LRRFIP1: variants seen among roughly 807,000 people sequenced by gnomAD.
LRRFIP1 encodes LRR binding FLII interacting protein 1, also known as leucine-rich repeat flightless-interacting protein 1.
In LRRFIP1, 62 loss-of-function variants were observed where a neutral mutation model predicts 104.4. That is an observed-to-expected ratio of 0.59 (90% CI 0.48 to 0.73). The LOEUF (loss-of-function observed/expected upper bound fraction) is 0.73, where lower values mean the gene tolerates loss of function less well. Ranked by LOEUF, LRRFIP1 falls within the 30% of genes least tolerant of loss-of-function variation. LRRFIP1 has a pLI of 0.00. For synonymous variants in LRRFIP1, 300 were observed against 299.0 expected (o/e 1.00, Z -0.03); for missense variants, 796 against 824.5 (o/e 0.97, Z 0.42).
At chr2:237,777,584 T>A (rs2061194356) in intron 23 of LRRFIP1, among the ~76,000 whole-genome samples, 1 of 152,234 alleles carries the variant, frequency 6.6e-6, no homozygotes, top group African/African-American at 2.4e-5. Flanking sequence ...GGTCGGTCCT[T>A]TGTAGGGACC....
chr2:237,692,656 G>A, intron 1 of LRRFIP1: 1 of 1,214,746 alleles, frequency 8.2e-7, no homozygotes, highest in Non-Finnish European at 1.1e-6. Flanking sequence ...ACCCCAGCGC[G>A]GTGGGAGCGG....
At chr2:237,724,691 A>G (rs1234450081) in intron 7 of LRRFIP1, among the ~76,000 whole-genome samples, 4 of 152,208 alleles carry the variant, frequency 2.6e-5, no homozygotes, top group Admixed American at 2.6e-4. Context: ...ATGTGTTAGC[A>G]ACATATTTCT....
At chr2:237,667,660 T>C (rs148260410) in intron 1 of LRRFIP1, among the ~76,000 whole-genome samples, 7 of 152,334 alleles carry the variant, frequency 4.6e-5, no homozygotes, top group Non-Finnish European at 8.8e-5. Context: ...TGAACTAATT[T>C]ACACTCCCAC....
At chr2:237,758,951 C>T in intron 18 of LRRFIP1, 130 bp downstream of exon 18, 2 of 588,674 alleles carry the variant, frequency 3.4e-6, no homozygotes, top group Admixed American at 3.3e-5. Context: ...GTTAATAATT[C>T]ATATATTGGG....
rs1389036977 is a variant in LRRFIP1 at position 237,648,772 on chromosome 2, T to G, written c.96+21032T>G. Among the ~76,000 whole-genome samples, 3 of 149,832 alleles carry G rather than the reference T, an allele frequency of 2.0e-5. No individual in the cohort carries two copies. In the East Asian group the frequency reaches 5.9e-4, roughly 30 times the overall value. On this transcript the variant is annotated intron_variant, in intron 1 of 23. Coordinates refer to ENST00000308482, the MANE Select transcript of LRRFIP1 (RefSeq NM_001137550.2). ...GGAGGTCAGAGCCTGCGTGACTGTG[T>G]GGCAAGGATCCCCCTCAAAGCAGGC... is the stretch of plus-strand genomic sequence containing the variant.
intron 16 of LRRFIP1, 109 bp from the exon 17 acceptor site, chr2:237,757,347 A>G (rs973964063): frequency 4.3e-5 from 29 of 676,524 alleles, no homozygotes; most frequent in African/African-American, 3.5e-4. Context: ...ATGAGGTGAA[A>G]GAGTGCTTGC....
chr2:237,772,976 T>G, intron 22 of LRRFIP1, 31 bp downstream of exon 22: 9 of 1,549,096 alleles, frequency 5.8e-6, no homozygotes, highest in Non-Finnish European at 8.0e-6. Context: ...GCAGAACTGA[T>G]GATTGACTGG....
At chr2:237,654,386 A>G (rs1328342294) in intron 1 of LRRFIP1, among the ~76,000 whole-genome samples, 1 of 152,234 alleles carries the variant, frequency 6.6e-6, no homozygotes, top group African/African-American at 2.4e-5. Context: ...AATGTGGAGA[A>G]AAGGGAACCA....
chr2:237,749,512 A>G (rs1030380058), intron 13 of LRRFIP1, among the ~76,000 whole-genome samples, 188 bp downstream of exon 13: 5 of 152,196 alleles, frequency 3.3e-5, no homozygotes, highest in Non-Finnish European at 1.5e-5. Flanking sequence ...TCCTGCAGGA[A>G]TCTGATCCTA....
rs2094729243 is a variant in LRRFIP1 at position 237,725,919 on chromosome 2, TCATAC to T, written c.385-1956_385-1952del. Reference sequence around the variant, plus strand: ...TGGAGAGCCAGAGGCCTTGCTTATGTCATACATTTCTCTTCCTCATTTGTTAGTAA... The same window carrying T: ...TGGAGAGCCAGAGGCCTTGCTTATGTATTTCTCTTCCTCATTTGTTAGTAA... On this transcript the variant is annotated intron_variant, in intron 7 of 23. Transcript: ENST00000308482. Among the ~76,000 whole-genome samples the T allele has an allele frequency of 1.1e-4, 17 of 152,360 alleles. No homozygotes were observed. In the South Asian group the frequency reaches 3.5e-3, roughly 32 times the overall value.
At chr2:237,653,149 A>G (rs1207805812) in intron 1 of LRRFIP1, among the ~76,000 whole-genome samples, 1 of 152,224 alleles carries the variant, frequency 6.6e-6, no homozygotes, top group African/African-American at 2.4e-5. Flanking sequence ...TGAATCAATT[A>G]AATCTCTTTT....
intron 18 of LRRFIP1, 32 bp from the exon 19 acceptor site, chr2:237,760,031 TA>T: frequency 1.9e-6 from 3 of 1,599,536 alleles, no homozygotes; most frequent in Non-Finnish European, 2.6e-6. Context: ...TATCACTGAG[TA>T]AATATTACGA....
intron 1 of LRRFIP1, among the ~76,000 whole-genome samples, chr2:237,631,707 C>A (rs574445227): frequency 6.6e-6 from 1 of 152,224 alleles, no homozygotes; most frequent in East Asian, 1.9e-4. Context: ...CAGCACTCTG[C>A]AGCTGAGTAA....
intron 11 of LRRFIP1, among the ~76,000 whole-genome samples, chr2:237,742,911 G>A (rs1221011747): frequency 6.6e-6 from 1 of 152,088 alleles, no homozygotes; most frequent in African/African-American, 2.4e-5. Context: ...CCCGGGTTCA[G>A]ATGTCACAGC....
intron 1 of LRRFIP1, among the ~76,000 whole-genome samples, chr2:237,643,742 GAA>G: frequency 6.6e-6 from 1 of 151,534 alleles, no homozygotes; most frequent in Non-Finnish European, 1.5e-5. Context: ...ACAGATGAAT[GAA>G]TGAATGAATG....
rs564501270 is a variant in LRRFIP1 at position 237,737,139 on chromosome 2, C to A, written c.555+1806C>A. On this transcript the variant is annotated intron_variant, in intron 10 of 23. Transcript: ENST00000308482. ...GACCAGGAATTGCCCCCGCGCAGCT[C>A]CTGAGTGTGAAGTGACTTTCTTCGG... Among the ~76,000 whole-genome samples the A allele has an allele frequency of 6.6e-5, 10 of 152,328 alleles. No individual in the cohort carries two copies. In the East Asian group the frequency reaches 9.7e-4, roughly 15 times the overall value.
At chr2:237,666,887 C>T (rs10168459) in intron 1 of LRRFIP1, among the ~76,000 whole-genome samples, 10,710 of 144,168 alleles carry the variant, frequency 0.074, 1,182 homozygotes, top group African/African-American at 0.24. Context: ...TCGCTCTGTT[C>T]CTTTCTTTTT....
chr2:237,688,449 TTTTTTTC>T (rs1453589504), intron 1 of LRRFIP1, among the ~76,000 whole-genome samples: 2 of 104,262 alleles, frequency 1.9e-5, no homozygotes, highest in Non-Finnish European at 3.5e-5. Flanking sequence ...CCCTTTTTTT[TTTTTTTC>T]TTTTTTTTTT....
intron 14 of LRRFIP1, 146 bp downstream of exon 14, chr2:237,751,417 G>A (rs1381464958): frequency 3.2e-5 from 21 of 651,752 alleles, no homozygotes; most frequent in Middle Eastern, 6.3e-4. Flanking sequence ...CAGGAGTGCC[G>A]GCATGGGTGT....
Sources: allele counts gnomAD v4.1 joint callset (sites outside exome capture counted in the v4.1 genomes callset), GRCh38; gene constraint gnomAD v4.1.1; transcripts MANE v1.5; gene names NCBI Gene and HGNC (gene_info 2026-07-23, HGNC 2026-07-21).